Variants in NEGR1 observed in about 807,000 individuals in gnomAD.
NEGR1 encodes the protein neuronal growth regulator 1.
A neutral mutation model predicts 40.9 loss-of-function variants in NEGR1; 10 were observed. That is an observed-to-expected ratio of 0.24 (90% CI 0.15 to 0.42). NEGR1 has a LOEUF of 0.42. NEGR1 is among the 10% of genes least tolerant of loss of function. The pLI, the probability that NEGR1 is intolerant of heterozygous loss-of-function variation, is 1.00. For synonymous variants in NEGR1, 185 were observed against 166.8 expected (o/e 1.11, Z -0.84); for missense variants, 352 against 438.9 (o/e 0.80, Z 1.77).
intron 6 of NEGR1, among the ~76,000 whole-genome samples, chr1:71,538,351 TTGTTATTTTATCTTTA>T (rs1647578757): frequency 6.6e-6 from 1 of 151,684 alleles, no homozygotes; most frequent in South Asian, 2.1e-4. Context: ...GGTTTCTAGG[TTGTTATTTTATCTTTA>T]TGTTATTATA....
intron 3 of NEGR1, among the ~76,000 whole-genome samples, chr1:71,714,647 A>G (rs1389152286): frequency 6.6e-6 from 1 of 152,202 alleles, no homozygotes; most frequent in Non-Finnish European, 1.5e-5. Flanking sequence ...CTGAAATCCA[A>G]TAGGGCAGTC....
intron 3 of NEGR1, among the ~76,000 whole-genome samples, chr1:71,741,350 A>G (rs769894885): frequency 1.3e-5 from 2 of 152,212 alleles, no homozygotes; most frequent in Non-Finnish European, 2.9e-5. Context: ...TCACAACTGT[A>G]TCTGCCATCT....
intron 1 of NEGR1, among the ~76,000 whole-genome samples, chr1:72,201,328 ATTTAT>A (rs1283117677): frequency 6.6e-6 from 1 of 150,964 alleles, no homozygotes; most frequent in Non-Finnish European, 1.5e-5. Flanking sequence ...TTTATTTTAT[ATTTAT>A]TTTATTTTAC....
intron 3 of NEGR1, among the ~76,000 whole-genome samples, chr1:71,733,721 C>A (rs1557632081): frequency 6.6e-6 from 1 of 152,074 alleles, no homozygotes; most frequent in Non-Finnish European, 1.5e-5. Flanking sequence ...TTCATCAGAG[C>A]TCATTTGTTA....
chr1:71,473,219 A>C (rs1415711875), intron 6 of NEGR1, among the ~76,000 whole-genome samples: 1 of 152,084 alleles, frequency 6.6e-6, no homozygotes, highest in African/African-American at 2.4e-5. Context: ...GAATAAATGA[A>C]ATTAAATACT....
intron 1 of NEGR1, among the ~76,000 whole-genome samples, chr1:72,264,156 G>GAGA (rs1381397181): frequency 3.3e-5 from 5 of 151,386 alleles, no homozygotes; most frequent in Admixed American, 2.0e-4. Flanking sequence ...CATTAATATG[G>GAGA]AGACAAGTAT....
chr1:71,548,004 G>A (rs1647958236), intron 6 of NEGR1, among the ~76,000 whole-genome samples: 1 of 151,592 alleles, frequency 6.6e-6, no homozygotes, highest in African/African-American at 2.4e-5. Context: ...GGAGACTGAG[G>A]TTTCCTACTA....
intron 4 of NEGR1, among the ~76,000 whole-genome samples, chr1:71,673,228 AC>A (rs1271020283): frequency 2.0e-5 from 3 of 151,916 alleles, no homozygotes; most frequent in African/African-American, 7.3e-5. Flanking sequence ...CCAAAAAAAA[AC>A]AACCCAAAAA....
intron 2 of NEGR1, among the ~76,000 whole-genome samples, chr1:71,826,185 G>A (rs1007950292): frequency 1.6e-4 from 25 of 151,686 alleles, no homozygotes; most frequent in African/African-American, 5.3e-4. Flanking sequence ...TTTCTTTTCC[G>A]TTCCCTGTAT....
At chr1:71,778,675 A>T (rs4649949) in intron 2 of NEGR1, among the ~76,000 whole-genome samples, 115,752 of 152,024 alleles carry the variant, frequency 0.76, 46,346 homozygotes, top group Non-Finnish European at 0.88. Context: ...ACTTTACTTA[A>T]TTATTTAAAA....
At chr1:71,792,303 C>A (rs954388014) in intron 2 of NEGR1, among the ~76,000 whole-genome samples, 1 of 152,074 alleles carries the variant, frequency 6.6e-6, no homozygotes, top group Non-Finnish European at 1.5e-5. Context: ...TCAAGTGTTT[C>A]TACCTAAGCA....
intron 6 of NEGR1, among the ~76,000 whole-genome samples, chr1:71,582,473 C>A (rs1649171942): frequency 6.6e-6 from 1 of 151,950 alleles, no homozygotes; most frequent in African/African-American, 2.4e-5. Context: ...GTGTTTCTGG[C>A]CTTTCTCTCT....
chr1:72,106,214 G>C (rs778211836), intron 1 of NEGR1, among the ~76,000 whole-genome samples: 1 of 152,040 alleles, frequency 6.6e-6, no homozygotes, highest in African/African-American at 2.4e-5. Context: ...TATCAAAAAA[G>C]TTACTAGACA....
At chr1:72,135,236 C>T (rs1280677467) in intron 1 of NEGR1, among the ~76,000 whole-genome samples, 8 of 149,682 alleles carry the variant, frequency 5.3e-5, no homozygotes, top group African/African-American at 1.5e-4. Flanking sequence ...ATTAGCCAGG[C>T]GTGGTGGCGG....
chr1:71,638,296 C>T (rs756743389), intron 4 of NEGR1, among the ~76,000 whole-genome samples: 7 of 152,058 alleles, frequency 4.6e-5, no homozygotes, highest in Non-Finnish European at 8.8e-5. Context: ...GAGACCTATT[C>T]ATGGGCAGCA....
chr1:71,493,796 C>G (rs1569943742), intron 6 of NEGR1, among the ~76,000 whole-genome samples: 2 of 152,154 alleles, frequency 1.3e-5, no homozygotes, highest in African/African-American at 2.4e-5. Flanking sequence ...AAACTTCTCT[C>G]CCTGAGTTCT....
At chr1:72,235,222 C>T (rs941306012) in intron 1 of NEGR1, among the ~76,000 whole-genome samples, 10 of 152,104 alleles carry the variant, frequency 6.6e-5, no homozygotes, top group African/African-American at 2.4e-4. Flanking sequence ...AACGTGCAAG[C>T]GTCAGGAAAG....
chr1:72,091,604 C>T (rs1416422695), intron 1 of NEGR1, among the ~76,000 whole-genome samples: 1 of 151,982 alleles, frequency 6.6e-6, no homozygotes, highest in African/African-American at 2.4e-5. Context: ...ATTCAAGTCC[C>T]ATAGGACTGC....
At chr1:71,440,768 G>T (rs4649938) in intron 6 of NEGR1, among the ~76,000 whole-genome samples, 106,215 of 152,082 alleles carry the variant, frequency 0.7, 37,779 homozygotes, top group Non-Finnish European at 0.76. Context: ...ACTACCTTAG[G>T]TCTTTATTTC....
Sources: allele counts gnomAD v4.1 joint callset (sites outside exome capture counted in the v4.1 genomes callset), GRCh38; gene constraint gnomAD v4.1.1; transcripts MANE v1.5; gene names NCBI Gene and HGNC (gene_info 2026-07-23, HGNC 2026-07-21).